PHACTR1: variants seen among roughly 807,000 people sequenced by gnomAD.
The protein encoded by PHACTR1 is phosphatase and actin regulator 1, also known as RPEL repeat containing 1.
PHACTR1 carries 16 observed loss-of-function variants against 69.2 expected under a neutral mutation model. The ratio of observed to expected loss-of-function variants is 0.23; its 90% confidence interval spans 0.16 to 0.35. PHACTR1 has a LOEUF of 0.35. PHACTR1 is among the 10% of genes least tolerant of loss of function. The probability of loss-of-function intolerance (pLI) is 1.00; values close to 1 mark genes in which losing one functional copy is unlikely to be tolerated. For synonymous variants in PHACTR1, 312 were observed against 284.5 expected (o/e 1.10, Z -0.97); for missense variants, 510 against 734.7 (o/e 0.69, Z 3.54).
At chr6:13,077,709 G>T (rs1810747222) in intron 5 of PHACTR1, among the ~76,000 whole-genome samples, 1 of 152,140 alleles carries the variant, frequency 6.6e-6, no homozygotes. Flanking sequence ...GGAACAGGGG[G>T]AGCCTGGCCA....
intron 4 of PHACTR1, among the ~76,000 whole-genome samples, chr6:12,913,698 A>G (rs1200628673): frequency 6.6e-6 from 1 of 152,138 alleles, no homozygotes; most frequent in Non-Finnish European, 1.5e-5. Context: ...AGGTCTGATG[A>G]TTTTTGTGGC....
chr6:13,003,950 C>CATATATATATATGTATATATATATAT (rs1562119669), intron 4 of PHACTR1, among the ~76,000 whole-genome samples: 1 of 81,360 alleles, frequency 1.2e-5, no homozygotes, highest in South Asian at 4.0e-4. Context: ...CAGTAGTATT[C>CATATATATATATGTATATATATATAT]CTATATATAT....
chr6:13,048,648 C>A (rs1373419257), intron 4 of PHACTR1, among the ~76,000 whole-genome samples: 1 of 151,974 alleles, frequency 6.6e-6, no homozygotes, highest in Non-Finnish European at 1.5e-5. Context: ...AGTTCTCCTG[C>A]CTCAGCCTCA....
intron 5 of PHACTR1, among the ~76,000 whole-genome samples, chr6:13,098,818 G>A (rs1814684227): frequency 6.6e-6 from 1 of 152,074 alleles, no homozygotes; most frequent in Admixed American, 6.6e-5. Context: ...CTCCTTCCTA[G>A]GCTATCCAAT....
At chr6:13,200,733 A>T (rs1019008606) in intron 7 of PHACTR1, among the ~76,000 whole-genome samples, 7 of 151,924 alleles carry the variant, frequency 4.6e-5, no homozygotes, top group Non-Finnish European at 1.0e-4. Context: ...CAGGAGTTTG[A>T]GACCAGCCTG....
At chr6:12,729,238 T>TA (rs1174878922) in intron 3 of PHACTR1, among the ~76,000 whole-genome samples, 1 of 152,162 alleles carries the variant, frequency 6.6e-6, no homozygotes, top group Non-Finnish European at 1.5e-5. Flanking sequence ...GATTTTAAAA[T>TA]AAAATTACTA....
intron 4 of PHACTR1, among the ~76,000 whole-genome samples, chr6:12,858,825 C>T (rs931860835): frequency 2.0e-5 from 3 of 150,938 alleles, no homozygotes; most frequent in African/African-American, 7.3e-5. Flanking sequence ...CACACACACA[C>T]ACCACACACA....
At chr6:12,822,595 C>T (rs1032784274) in intron 4 of PHACTR1, among the ~76,000 whole-genome samples, 4 of 152,204 alleles carry the variant, frequency 2.6e-5, no homozygotes, top group African/African-American at 9.6e-5. Flanking sequence ...TCTCCCTTCC[C>T]TGCTCTTCCA....
At chr6:13,165,252 A>G (rs913444940) in intron 6 of PHACTR1, among the ~76,000 whole-genome samples, 9 of 152,244 alleles carry the variant, frequency 5.9e-5, no homozygotes, top group Non-Finnish European at 1.2e-4. Context: ...TATAAATAGT[A>G]AAAATGTTAA....
At chr6:13,212,904 A>G (rs1367877151) in intron 8 of PHACTR1, among the ~76,000 whole-genome samples, 1 of 152,132 alleles carries the variant, frequency 6.6e-6, no homozygotes, top group Non-Finnish European at 1.5e-5. Flanking sequence ...CTCGCAACAC[A>G]GCCTGTTCCC....
intron 5 of PHACTR1, among the ~76,000 whole-genome samples, chr6:13,124,240 G>A (rs755985196): frequency 6.6e-6 from 1 of 152,156 alleles, no homozygotes; most frequent in Admixed American, 6.5e-5. Flanking sequence ...CATCCCACCC[G>A]ACTTGGGATG....
intron 4 of PHACTR1, among the ~76,000 whole-genome samples, chr6:12,750,175 T>G (rs963442873): frequency 6.6e-6 from 1 of 152,210 alleles, no homozygotes; most frequent in African/African-American, 2.4e-5. Flanking sequence ...TGGAACTTGT[T>G]GGTGACATTC....
intron 3 of PHACTR1, among the ~76,000 whole-genome samples, chr6:12,726,571 C>T (rs997132515): frequency 4.6e-5 from 7 of 152,212 alleles, no homozygotes; most frequent in South Asian, 2.1e-4. Flanking sequence ...GAAACACACA[C>T]GTTGAGAACC....
intron 5 of PHACTR1, among the ~76,000 whole-genome samples, chr6:13,082,929 G>A (rs976538612): frequency 5.9e-5 from 9 of 152,158 alleles, no homozygotes; most frequent in Non-Finnish European, 1.2e-4. Context: ...CTTTTGCTGT[G>A]CAGAAGCTCT....
intron 4 of PHACTR1, among the ~76,000 whole-genome samples, chr6:13,048,522 T>TTGTGTGTGTG (rs70989824): frequency 0.055 from 7,852 of 142,858 alleles, 260 homozygotes; most frequent in African/African-American, 0.084. Context: ...TTCCATTTCT[T>TTGTGTGTGTG]TGTGTGTGTG....
chr6:13,190,893 A>G (rs1763483506), intron 7 of PHACTR1, among the ~76,000 whole-genome samples: 1 of 152,126 alleles, frequency 6.6e-6, no homozygotes, highest in African/African-American at 2.4e-5. Flanking sequence ...AATGGTGTCC[A>G]TGACCTGTGT....
chr6:13,044,279 C>G (rs142284908), intron 4 of PHACTR1, among the ~76,000 whole-genome samples: 1 of 152,052 alleles, frequency 6.6e-6, no homozygotes, highest in South Asian at 2.1e-4. Flanking sequence ...TTCTTCTCAA[C>G]GCTTATGAAT....
At chr6:13,242,036 A>C (rs1772924193) in intron 10 of PHACTR1, among the ~76,000 whole-genome samples, 1 of 117,756 alleles carries the variant, frequency 8.5e-6, no homozygotes, top group Non-Finnish European at 1.7e-5. Context: ...ATTCTGTCTC[A>C]AAAAAAAAAA....
chr6:12,866,300 T>C (rs1054866979), intron 4 of PHACTR1, among the ~76,000 whole-genome samples: 3 of 152,198 alleles, frequency 2.0e-5, no homozygotes, highest in Non-Finnish European at 2.9e-5. Context: ...TTATAGGACC[T>C]GAGCTTTTCC....
Sources: allele counts gnomAD v4.1 joint callset (sites outside exome capture counted in the v4.1 genomes callset), GRCh38; gene constraint gnomAD v4.1.1; transcripts MANE v1.5; gene names NCBI Gene and HGNC (gene_info 2026-07-23, HGNC 2026-07-21).